Variants in CAST observed in about 807,000 individuals in gnomAD.
The protein encoded by CAST is calpastatin.
In CAST, 76 loss-of-function variants were observed where a neutral mutation model predicts 119.6. The observed-to-expected ratio is 0.64, with a 90% CI of 0.53 to 0.77. The LOEUF is 0.77. Among genes scored for constraint, CAST ranks in the 30% least tolerant of loss-of-function variants. CAST has a pLI of 0.00. For synonymous variants in CAST, 319 were observed against 331.6 expected, an observed-to-expected ratio of 0.96 and a Z score of 0.41; for missense variants, 953 against 946.5, an observed-to-expected ratio of 1.01 and a Z score of -0.09.
At position 96,642,539 on chromosome 5, in the gene CAST, G is replaced by T. The variant is rs1747963744; in HGVS notation, c.61-33000G>T. 3.6e-5 allele frequency among the ~76,000 whole-genome samples: 5 copies of T among 138,910 alleles called. No homozygotes were observed. The South Asian group carries it at 9.3e-4, about 26-fold the overall frequency. 91.1% of individuals were successfully genotyped at this position (138,910 alleles called of 152,430 possible). A position where few individuals can be genotyped will look rare whatever the true frequency, so the allele number is the denominator to read the frequency against. ...AATGATAGTAAATAAAGCACATATA[G>T]TTCCTTTTTTTTTTTTTTTGAGACA... On this transcript the variant is annotated intron_variant, in intron 1 of 11. Transcript: ENST00000505143.
At chr5:96,616,753 TACACACAC>T (rs377159898) in intron 1 of CAST, among the ~76,000 whole-genome samples, 1,561 of 130,826 alleles carry the variant, frequency 0.012, 33 homozygotes, top group African/African-American at 0.036. Flanking sequence ...TCTATATATA[TACACACAC>T]ACACACACAC....
the CAST span, among the ~76,000 whole-genome samples, chr5:96,168,975 C>T: frequency 3.3e-5 from 5 of 152,238 alleles, no homozygotes; most frequent in South Asian, 2.1e-4. Context: ...AGCCACCACA[C>T]GCAGACATGA....
At chr5:96,332,685 CAG>C in the CAST span, among the ~76,000 whole-genome samples, 127 of 152,178 alleles carry the variant, frequency 8.3e-4, 1 homozygote, top group Middle Eastern at 6.8e-3. Context: ...AGGTGCAAGT[CAG>C]GGGGAGGATA....
At chr5:96,262,812 G>A in the CAST span, among the ~76,000 whole-genome samples, 2 of 152,174 alleles carry the variant, frequency 1.3e-5, no homozygotes. Context: ...TGGGATTACA[G>A]ACATGAGCCA....
chr5:96,261,672 G>A, the CAST span, among the ~76,000 whole-genome samples: 3 of 152,220 alleles, frequency 2.0e-5, no homozygotes, highest in South Asian at 4.2e-4. Context: ...CATCTGTGCT[G>A]TACAAACAAG....
chr5:96,196,781 A>T, the CAST span, among the ~76,000 whole-genome samples: 10 of 152,250 alleles, frequency 6.6e-5, no homozygotes, highest in Non-Finnish European at 1.5e-4. Flanking sequence ...TAAATGTGAT[A>T]TATCTAATCA....
the CAST span, among the ~76,000 whole-genome samples, chr5:96,047,586 TGTAAAATAG>T: frequency 6.6e-6 from 1 of 152,188 alleles, no homozygotes; most frequent in Non-Finnish European, 1.5e-5. Flanking sequence ...AAAATAGAAT[TGTAAAATAG>T]GTGGGCACTT....
chr5:96,640,748 C>T (rs1006623218), intron 1 of CAST, among the ~76,000 whole-genome samples: 1 of 152,174 alleles, frequency 6.6e-6, no homozygotes, highest in Non-Finnish European at 1.5e-5. Flanking sequence ...CCTTTTTATA[C>T]CTGCATCACC....
At chr5:96,151,057 T>A in the CAST span, among the ~76,000 whole-genome samples, 1 of 152,164 alleles carries the variant, frequency 6.6e-6, no homozygotes, top group Non-Finnish European at 1.5e-5. Flanking sequence ...CAGAAGCAGA[T>A]CTGAGCTGTG....
intron 1 of CAST, among the ~76,000 whole-genome samples, chr5:96,592,120 G>A (rs1746971877): frequency 6.6e-6 from 1 of 152,316 alleles, no homozygotes; most frequent in African/African-American, 2.4e-5. Context: ...GCTATGGCCG[G>A]GTGCGGTGGC....
the CAST span, chr5:96,215,340 AAAT>A: frequency 6.6e-6 from 1 of 152,348 alleles, no homozygotes; most frequent in Admixed American, 6.5e-5. Flanking sequence ...AAACATTTAA[AAAT>A]AATAAACCCA....
the CAST span, among the ~76,000 whole-genome samples, chr5:96,062,728 A>G: frequency 6.6e-6 from 1 of 152,140 alleles, no homozygotes; most frequent in African/African-American, 2.4e-5. Flanking sequence ...GTGTGGAAAA[A>G]TCTGGTTGGC....
At chr5:96,414,629 G>A in the CAST span, among the ~76,000 whole-genome samples, 5 of 152,144 alleles carry the variant, frequency 3.3e-5, no homozygotes, top group Admixed American at 3.3e-4. Flanking sequence ...TTGGAATCTT[G>A]TGTTTCAGTT....
the CAST span, among the ~76,000 whole-genome samples, chr5:96,212,450 G>A: frequency 1.6e-3 from 245 of 152,232 alleles, no homozygotes; most frequent in Admixed American, 3.5e-3. Context: ...AACACACTTT[G>A]TATGGTTTCA....
the CAST span, among the ~76,000 whole-genome samples, chr5:96,487,849 G>C: frequency 2.0e-5 from 3 of 152,130 alleles, no homozygotes; most frequent in Non-Finnish European, 2.9e-5. Context: ...CATCACGAAA[G>C]GGCACCAAAC....
the CAST span, among the ~76,000 whole-genome samples, chr5:96,079,591 G>A: frequency 6.6e-6 from 1 of 152,140 alleles, no homozygotes; most frequent in Non-Finnish European, 1.5e-5. Flanking sequence ...AATGAAAAAT[G>A]AATTTCCTTC....
the CAST span, among the ~76,000 whole-genome samples, chr5:96,314,565 G>T: frequency 6.6e-6 from 1 of 152,172 alleles, no homozygotes; most frequent in African/African-American, 2.4e-5. Context: ...ATTTGTACAA[G>T]TTTGTTTATT....
chr5:96,406,325 GATGCC>G, the CAST span, among the ~76,000 whole-genome samples: 3 of 152,154 alleles, frequency 2.0e-5, no homozygotes, highest in African/African-American at 7.2e-5. Context: ...TGGATCTGCT[GATGCC>G]AGTCTCAGCT....
the CAST span, among the ~76,000 whole-genome samples, chr5:96,419,174 A>G: frequency 6.6e-6 from 1 of 151,878 alleles, no homozygotes; most frequent in South Asian, 2.1e-4. Context: ...GGTAGTATTT[A>G]AATATCTTGT....
Sources: gnomAD v4.1 joint callset for allele counts (sites outside exome capture counted in the v4.1 genomes callset) on GRCh38, gnomAD v4.1.1 for gene constraint, MANE v1.5 for transcripts, NCBI Gene and HGNC (gene_info 2026-07-23, HGNC 2026-07-21) for gene names.